Variants in KALRN observed in about 807,000 individuals in gnomAD.
KALRN encodes the protein kalirin.
Under a neutral mutation model 353.7 loss-of-function variants are expected in KALRN, and 70 were observed. That is an observed-to-expected ratio of 0.20 (90% CI 0.16 to 0.24). KALRN has a LOEUF of 0.24. Among genes scored for constraint, KALRN ranks in the 10% least tolerant of loss-of-function variants. KALRN has a pLI of 1.00. For missense variants in KALRN, 2,791 were observed against 3,756.7 expected, an observed-to-expected ratio of 0.74 and a Z score of 6.72; for synonymous variants, 1,391 against 1,434.8, an observed-to-expected ratio of 0.97 and a Z score of 0.69.
At chr3:124,672,031 C>G in intron 48 of KALRN, 133 bp downstream of exon 48, 1 of 719,802 alleles carries the variant, frequency 1.4e-6, no homozygotes, top group Non-Finnish European at 2.4e-6. Context: ...TCACTGCAAC[C>G]TCCGCCTCCC....
chr3:124,274,963 G>A (rs990694358), intron 5 of KALRN, among the ~76,000 whole-genome samples: 1 of 152,106 alleles, frequency 6.6e-6, no homozygotes, highest in Non-Finnish European at 1.5e-5. Flanking sequence ...ATTTGTCCTG[G>A]GGTGACACGT....
At chr3:124,504,625 A>T in intron 33 of KALRN, 1 of 341,366 alleles carries the variant, frequency 2.9e-6, no homozygotes, top group Non-Finnish European at 5.8e-6. Context: ...TCACAGACTC[A>T]TTGATGCCAA....
chr3:124,403,304 ATT>A (rs1229679286), intron 13 of KALRN, among the ~76,000 whole-genome samples: 4 of 152,198 alleles, frequency 2.6e-5, no homozygotes, highest in Non-Finnish European at 4.4e-5. Flanking sequence ...ATATATGCAT[ATT>A]TATATCAAGA....
intron 34 of KALRN, among the ~76,000 whole-genome samples, chr3:124,591,262 C>G (rs59042049): frequency 1.1e-4 from 16 of 152,194 alleles, no homozygotes; most frequent in Non-Finnish European, 1.6e-4. Context: ...TCTGGTTCAA[C>G]TTAATTCAGG....
chr3:124,522,168 T>TATGTATATAC (rs1239486096), intron 33 of KALRN, among the ~76,000 whole-genome samples: 5 of 151,934 alleles, frequency 3.3e-5, no homozygotes, highest in African/African-American at 1.2e-4. Flanking sequence ...CAAATAAATG[T>TATGTATATAC]ATGTATATAC....
intron 17 of KALRN, among the ~76,000 whole-genome samples, chr3:124,435,715 T>A (rs1447750791): frequency 6.6e-6 from 1 of 152,132 alleles, no homozygotes; most frequent in Non-Finnish European, 1.5e-5. Context: ...AATGACTCCT[T>A]TGATGGCCAC....
intron 34 of KALRN, among the ~76,000 whole-genome samples, chr3:124,605,830 G>A (rs1040608639): frequency 2.0e-5 from 3 of 152,086 alleles, no homozygotes; most frequent in African/African-American, 4.8e-5. Context: ...AGTGTGATTC[G>A]TCAAAATAAA....
chr3:124,076,041 C>T (rs945407019), intron 1 of KALRN, among the ~76,000 whole-genome samples: 4 of 152,214 alleles, frequency 2.6e-5, no homozygotes, highest in Non-Finnish European at 5.9e-5. Context: ...ACTGGCCTGA[C>T]GTGCTTCCTG....
chr3:124,541,784 C>T (rs1486313240), intron 33 of KALRN, among the ~76,000 whole-genome samples: 2 of 151,268 alleles, frequency 1.3e-5, no homozygotes, highest in African/African-American at 2.4e-5. Context: ...CCCAGCTACT[C>T]GGGAGGCTGA....
intron 1 of KALRN, among the ~76,000 whole-genome samples, chr3:124,063,426 G>A (rs918269541): frequency 2.3e-4 from 35 of 152,114 alleles, no homozygotes; most frequent in African/African-American, 8.0e-4. Context: ...TGGAGGGGTG[G>A]GTATTCACCC....
intron 34 of KALRN, among the ~76,000 whole-genome samples, chr3:124,569,119 G>C (rs1286671701): frequency 6.6e-6 from 1 of 152,136 alleles, no homozygotes; most frequent in African/African-American, 2.4e-5. Context: ...TGAGGGTCTG[G>C]AGAAGCTGTA....
chr3:124,574,812 C>T (rs1468619077), intron 34 of KALRN, among the ~76,000 whole-genome samples: 1 of 152,172 alleles, frequency 6.6e-6, no homozygotes, highest in Non-Finnish European at 1.5e-5. Context: ...TGGGATGTGC[C>T]CATCCTGTCT....
chr3:124,352,709 T>G (rs2082960420), intron 10 of KALRN, among the ~76,000 whole-genome samples: 1 of 151,530 alleles, frequency 6.6e-6, no homozygotes, highest in African/African-American at 2.4e-5. Flanking sequence ...TGAACACACT[T>G]TAAAAAAATC....
At chr3:124,623,018 A>G (rs2079455250) in intron 34 of KALRN, among the ~76,000 whole-genome samples, 1 of 152,126 alleles carries the variant, frequency 6.6e-6, no homozygotes, top group African/African-American at 2.4e-5. Flanking sequence ...ATCAGATATA[A>G]TAAATTTCTG....
intron 1 of KALRN, among the ~76,000 whole-genome samples, chr3:124,062,890 T>C (rs1380084040): frequency 1.3e-5 from 2 of 152,102 alleles, no homozygotes; most frequent in African/African-American, 4.8e-5. Flanking sequence ...TGATGTAGGA[T>C]TGGAAACCTG....
intron 55 of KALRN, 72 bp downstream of exon 55, chr3:124,697,796 C>A: frequency 1.5e-6 from 2 of 1,359,300 alleles, no homozygotes; most frequent in Non-Finnish European, 2.0e-6. Flanking sequence ...TGCAGTAAAA[C>A]ACACATAATA....
chr3:124,337,901 T>C (rs1487583259), intron 9 of KALRN, among the ~76,000 whole-genome samples: 2 of 152,210 alleles, frequency 1.3e-5, no homozygotes, highest in African/African-American at 4.8e-5. Context: ...CCATTTCTTC[T>C]AGATTTTCTA....
At chr3:124,189,935 C>CAAA (rs1218193851) in intron 1 of KALRN, among the ~76,000 whole-genome samples, 4 of 69,428 alleles carry the variant, frequency 5.8e-5, no homozygotes, top group African/African-American at 9.4e-5. Flanking sequence ...AAGACTCTGT[C>CAAA]AAAAAAAAAA....
intron 10 of KALRN, among the ~76,000 whole-genome samples, chr3:124,357,691 C>T (rs546771289): frequency 2.0e-3 from 307 of 152,306 alleles, no homozygotes; most frequent in Non-Finnish European, 3.8e-3. Context: ...TGCCCCTTTT[C>T]TAGTCACCTA....
Sources: allele counts gnomAD v4.1 joint callset (sites outside exome capture counted in the v4.1 genomes callset), GRCh38; gene constraint gnomAD v4.1.1; transcripts MANE v1.5; gene names NCBI Gene and HGNC (gene_info 2026-07-23, HGNC 2026-07-21).